The following MEGF11 variants were observed in gnomAD, a reference collection of about 807,000 sequenced individuals.
MEGF11 encodes the protein multiple epidermal growth factor-like domains protein 11.
A neutral mutation model predicts 146.6 loss-of-function variants in MEGF11; 126 were observed. The ratio of observed to expected loss-of-function variants is 0.86; its 90% CI spans 0.74 to 1.00. MEGF11 has a LOEUF of 1.00. Among genes scored for constraint, MEGF11 ranks in the 50% least tolerant of loss-of-function variants. The pLI, the probability that MEGF11 is intolerant of heterozygous loss-of-function variation, is 0.00. For missense variants in MEGF11, 1,509 were observed against 1,521.2 expected (o/e 0.99, Z 0.13); for synonymous variants, 532 against 583.4 (o/e 0.91, Z 1.27).
chr15:66,245,915 AAAG>A (rs1195572248), intron 1 of MEGF11, among the ~76,000 whole-genome samples: 2 of 152,120 alleles, frequency 1.3e-5, no homozygotes, highest in Admixed American at 1.3e-4. Context: ...GGACCTGAGC[AAAG>A]AAGATTTCTC....
At chr15:65,898,486 A>AC (rs1249260294) in intron 25 of MEGF11, 5 of 984,872 alleles carry the variant, frequency 5.1e-6, no homozygotes, top group South Asian at 4.7e-5. Context: ...CCCATTTCCC[A>AC]CCCCCAGTAT....
At chr15:65,993,330 C>T (rs1210799037) in intron 5 of MEGF11, among the ~76,000 whole-genome samples, 1 of 152,186 alleles carries the variant, frequency 6.6e-6, no homozygotes, top group Non-Finnish European at 1.5e-5. Flanking sequence ...AGAAAGCTAT[C>T]TGTCCTTAGC....
At chr15:66,160,331 CT>C (rs1431593059) in intron 1 of MEGF11, among the ~76,000 whole-genome samples, 1 of 150,884 alleles carries the variant, frequency 6.6e-6, no homozygotes, top group African/African-American at 2.4e-5. Flanking sequence ...CAGCAGCCAC[CT>C]TGTGATCATG....
chr15:66,163,530 G>A (rs760459083), intron 1 of MEGF11, among the ~76,000 whole-genome samples: 25 of 152,124 alleles, frequency 1.6e-4, no homozygotes, highest in Admixed American at 6.5e-4. Flanking sequence ...GCCCTTTCCC[G>A]CCTGGAAGTT....
At chr15:66,190,090 C>T (rs1353076240) in intron 1 of MEGF11, among the ~76,000 whole-genome samples, 4 of 152,172 alleles carry the variant, frequency 2.6e-5, no homozygotes, top group African/African-American at 7.2e-5. Flanking sequence ...CTCATATGGG[C>T]CCCCAGAGCA....
At chr15:66,047,246 A>G (rs333604) in intron 5 of MEGF11, among the ~76,000 whole-genome samples, 148,452 of 152,338 alleles carry the variant, frequency 0.97, 72,455 homozygotes, top group Middle Eastern at 1. Flanking sequence ...TAGTGAAAAG[A>G]GCTTTTTTTG....
At position 65,912,887 on chromosome 15, in the gene MEGF11, C is replaced by G. The variant is rs145759941; in HGVS notation, c.2711-687G>C. ...GCTGAAGTGATCTGGGTTTTCTAAG[C>G]ACAAGATGCAGGAGGCTGCAGATGA... is the stretch of plus-strand genomic sequence containing the variant. On this transcript the variant is annotated intron_variant, in intron 20 of 25. Coordinates refer to ENST00000395614, the MANE Select transcript of MEGF11 (RefSeq NM_001385028.1). Among the ~76,000 whole-genome samples the G allele has an allele frequency of 6.5e-3, 985 of 152,256 alleles. 5 individuals are homozygous for G. Among genetic ancestry groups the G allele is most frequent in the Non-Finnish European group, 0.01 (683 of 68,024 alleles).
chr15:66,076,138 GTGA>G (rs2085568571), intron 5 of MEGF11, among the ~76,000 whole-genome samples: 1 of 152,158 alleles, frequency 6.6e-6, no homozygotes, highest in Non-Finnish European at 1.5e-5. Context: ...AATGGACAGA[GTGA>G]TGGACAGATG....
chr15:66,236,323 C>A (rs1301455522), intron 1 of MEGF11, among the ~76,000 whole-genome samples: 1 of 152,046 alleles, frequency 6.6e-6, no homozygotes, highest in Admixed American at 6.5e-5. Flanking sequence ...GACTTCATCC[C>A]GAGGGCAATG....
intron 5 of MEGF11, among the ~76,000 whole-genome samples, chr15:66,038,669 T>C (rs570853896): frequency 7.9e-5 from 12 of 152,234 alleles, no homozygotes; most frequent in South Asian, 4.1e-4. Flanking sequence ...CAGTTACAAC[T>C]ACTAGCAGCC....
chr15:66,229,885 G>T (rs28607261), intron 1 of MEGF11, among the ~76,000 whole-genome samples: 42,006 of 152,080 alleles, frequency 0.28, 6,196 homozygotes, highest in Non-Finnish European at 0.35. Context: ...AAAGGTTGGG[G>T]TTACTCTGGA....
chr15:66,220,698 T>C (rs1016408092), intron 1 of MEGF11, among the ~76,000 whole-genome samples: 1 of 151,930 alleles, frequency 6.6e-6, no homozygotes, highest in Non-Finnish European at 1.5e-5. Context: ...CCACCGTGCC[T>C]GGCTAATTTT....
At position 66,035,898 on chromosome 15, in the gene MEGF11, C is replaced by T. The variant is rs539319899; in HGVS notation, c.395-53410G>A. On this transcript the variant is annotated intron_variant, in intron 5 of 25. Coordinates refer to ENST00000395614, the MANE Select transcript of MEGF11 (RefSeq NM_001385028.1). ...TGCATGTTTTTAAGCTTCACATCTA[C>T]GGGTGAATCTGTGGCTGATGGCTTG... Among the ~76,000 whole-genome samples, 31 of 152,388 alleles carry T rather than the reference C, an allele frequency of 2.0e-4. No homozygotes were observed. The South Asian group carries it at 4.8e-3, about 23-fold the overall frequency.
chr15:66,207,563 G>C (rs2091331720), intron 1 of MEGF11, among the ~76,000 whole-genome samples: 1 of 152,114 alleles, frequency 6.6e-6, no homozygotes, highest in Non-Finnish European at 1.5e-5. Context: ...AAGTCTTTCA[G>C]GCTGAAATAA....
chr15:65,898,233 T>C (rs1182589860), intron 25 of MEGF11, 139 bp from the exon 26 acceptor site: 2 of 1,431,214 alleles, frequency 1.4e-6, no homozygotes, highest in African/African-American at 1.4e-5. Flanking sequence ...GGGTTAGGAC[T>C]GAGGCTTGCT....
At chr15:65,917,835 T>TG in intron 16 of MEGF11, 131 bp downstream of exon 16, 11 of 1,022,782 alleles carry the variant, frequency 1.1e-5, no homozygotes, top group Non-Finnish European at 1.6e-5. Flanking sequence ...TAAATGGGGC[T>TG]CATTCCTACA....
rs576738144 is a variant in MEGF11, at chr15:66,142,747, G to C, written c.-8-14336C>G. The stretch of plus-strand genomic sequence containing the variant: ...CTTGCCCCAGGTGTGCCAGTAATCA[G>C]CTGTGTGACCCCAAATGAGTCACTG... On this transcript the variant is annotated intron_variant, in intron 1 of 25. Transcript: ENST00000395614. 2.9e-3 allele frequency among the ~76,000 whole-genome samples: 437 copies of C among 152,324 alleles called. 2 individuals carry two copies. The highest frequency in any genetic ancestry group is 0.01 in the African/African-American group (429 of 41,572).
rs144889967 is a variant in MEGF11, at chr15:66,131,668, T to C, written c.-8-3257A>G. 2.6e-3 allele frequency among the ~76,000 whole-genome samples: 400 copies of C among 152,284 alleles called. 1 individual carries two copies. Among genetic ancestry groups the C allele is most frequent in the African/African-American group, 9.1e-3 (377 of 41,548 alleles). On this transcript the variant is annotated intron_variant, in intron 1 of 25. Coordinates refer to ENST00000395614, the MANE Select transcript of MEGF11 (RefSeq NM_001385028.1). ...GTGGAACACTAGTCCCATGAGACAT[T>C]GATAGAAATCTCTCAGACAAAGATC...
chr15:66,162,277 G>A (rs899207015), intron 1 of MEGF11, among the ~76,000 whole-genome samples: 3 of 152,156 alleles, frequency 2.0e-5, no homozygotes, highest in African/African-American at 7.2e-5. Context: ...GTGAAACAAC[G>A]TGAATGTGCT....
Sources: gnomAD v4.1 joint callset for allele counts (sites outside exome capture counted in the v4.1 genomes callset) on GRCh38, gnomAD v4.1.1 for gene constraint, MANE v1.5 for transcripts, NCBI Gene and HGNC (gene_info 2026-07-23, HGNC 2026-07-21) for gene names.